The following DIPK1A variants were observed in gnomAD, a reference collection of about 807,000 sequenced individuals.
DIPK1A encodes the protein divergent protein kinase domain 1A.
A neutral mutation model predicts 40.8 loss-of-function variants in DIPK1A; 27 were observed. That is an observed-to-expected ratio of 0.66 (90% CI 0.49 to 0.91). The LOEUF (loss-of-function observed/expected upper bound fraction) is 0.91, where lower values mean the gene tolerates loss of function less well. Among genes scored for constraint, DIPK1A ranks in the 40% least tolerant of loss-of-function variants. The pLI is 0.00. For missense variants in DIPK1A, 412 were observed against 505.7 expected, an observed-to-expected ratio of 0.81 and a Z score of 1.78; for synonymous variants, 166 against 171.3, an observed-to-expected ratio of 0.97 and a Z score of 0.24.
intron 1 of DIPK1A, among the ~76,000 whole-genome samples, chr1:92,955,059 T>A (rs1452287369): frequency 1.2e-4 from 18 of 152,184 alleles, no homozygotes; most frequent in Admixed American, 1.2e-3. Flanking sequence ...TAAATGCATA[T>A]TACTAAGTGA....
intron 2 of DIPK1A, among the ~76,000 whole-genome samples, chr1:92,875,527 G>A (rs1223891471): frequency 1.3e-5 from 2 of 151,988 alleles, no homozygotes; most frequent in African/African-American, 4.8e-5. Flanking sequence ...GACCAGCCTG[G>A]GCAACATGGT....
downstream of DIPK1A, chr1:92,840,661 CTT>C (rs1687320829): frequency 6.4e-7 from 1 of 1,571,220 alleles, no homozygotes; most frequent in Non-Finnish European, 8.7e-7. Flanking sequence ...TTTTTTTTGT[CTT>C]TTCAAGAAAA....
At chr1:92,833,666 T>C in intron 4 of DIPK1A, 1 of 1,604,502 alleles carries the variant, frequency 6.2e-7, no homozygotes. Context: ...GTCAGGTAAG[T>C]TGTATTCTAG....
rs889343850 is a variant in DIPK1A at position 92,842,998 on chromosome 1, T to G, written c.*385A>C. On this transcript the variant is annotated 3_prime_UTR_variant, in exon 5 of 5. Coordinates refer to ENST00000370310, the MANE Select transcript of DIPK1A (RefSeq NM_001006605.5). Reference sequence around the variant, plus strand: ...CTAAGACATTAGTAAATTTATAAATTTTCTTGTTGAACAGCAGCTTCAATG... The same window carrying G: ...CTAAGACATTAGTAAATTTATAAATGTTCTTGTTGAACAGCAGCTTCAATG... The G allele has an allele frequency of 6.0e-6, 6 of 994,466 alleles. 1 individual carries two copies. The African/African-American group carries it at 1.0e-4, about 17-fold the overall frequency. 61.6% of individuals were successfully genotyped at this position (994,466 alleles called of 1,614,324 possible).
chr1:92,949,072 C>T (rs377194978), intron 1 of DIPK1A, among the ~76,000 whole-genome samples: 4 of 151,740 alleles, frequency 2.6e-5, no homozygotes, highest in East Asian at 3.9e-4. Context: ...TCTCAAAGTA[C>T]TGGGATTAGT....
At chr1:92,876,984 C>G (rs1348465417) in intron 1 of DIPK1A, 1 of 985,318 alleles carries the variant, frequency 1.0e-6, no homozygotes, top group South Asian at 4.7e-5. Flanking sequence ...TCCTCTTGTT[C>G]AGCGAACCAA....
At chr1:92,898,510 T>C (rs2263247) in intron 1 of DIPK1A, among the ~76,000 whole-genome samples, 108,565 of 152,012 alleles carry the variant, frequency 0.71, 39,592 homozygotes, top group East Asian at 0.96. Context: ...ACATATCACC[T>C]TGTCATCCAG....
intron 1 of DIPK1A, among the ~76,000 whole-genome samples, chr1:92,952,415 T>C (rs1300185840): frequency 6.6e-6 from 1 of 151,592 alleles, no homozygotes; most frequent in African/African-American, 2.4e-5. Context: ...AGCCCAGGAG[T>C]TCGAGACCAG....
chr1:92,896,225 G>A (rs1187169769), intron 1 of DIPK1A, among the ~76,000 whole-genome samples: 1 of 152,110 alleles, frequency 6.6e-6, no homozygotes, highest in African/African-American at 2.4e-5. Flanking sequence ...GAACAAAGCT[G>A]GAGGCATCTC....
downstream of DIPK1A, among the ~76,000 whole-genome samples, chr1:92,841,424 G>T (rs1304000879): frequency 6.6e-6 from 1 of 152,084 alleles, no homozygotes; most frequent in Non-Finnish European, 1.5e-5. Flanking sequence ...TTTATCTGTT[G>T]CTATTAATAT....
chr1:92,837,541 G>A (rs1571031819), downstream of DIPK1A: 1 of 1,612,190 alleles, frequency 6.2e-7, no homozygotes, highest in Non-Finnish European at 8.5e-7. Context: ...CCAGAATGTT[G>A]CAGATTACAT....
At chr1:92,908,756 G>A (rs1046655395) in intron 1 of DIPK1A, among the ~76,000 whole-genome samples, 2 of 152,162 alleles carry the variant, frequency 1.3e-5, no homozygotes, top group Non-Finnish European at 2.9e-5. Context: ...ATAGCACAAA[G>A]GTTCCTGAGA....
chr1:92,950,788 T>C (rs1202855672), intron 1 of DIPK1A, among the ~76,000 whole-genome samples: 2 of 152,184 alleles, frequency 1.3e-5, no homozygotes, highest in East Asian at 3.8e-4. Flanking sequence ...GCTATTTTCA[T>C]TTTCCTTCCT....
chr1:92,882,143 T>C (rs1648404688), intron 1 of DIPK1A, among the ~76,000 whole-genome samples: 1 of 152,190 alleles, frequency 6.6e-6, no homozygotes, highest in Admixed American at 6.5e-5. Flanking sequence ...ATCCCAGCAC[T>C]TTGGGAGGCC....
intron 2 of DIPK1A, among the ~76,000 whole-genome samples, chr1:92,864,462 G>A (rs1301985187): frequency 6.6e-6 from 1 of 152,158 alleles, no homozygotes; most frequent in Non-Finnish European, 1.5e-5. Context: ...TACCCAGGTA[G>A]AAACTTAGAA....
chr1:92,927,974 T>A (rs1193085583), intron 1 of DIPK1A, among the ~76,000 whole-genome samples: 1 of 152,226 alleles, frequency 6.6e-6, no homozygotes, highest in Non-Finnish European at 1.5e-5. Flanking sequence ...GGTATATATC[T>A]AGGAGGGGAA....
chr1:92,835,747 C>T (rs937361945), intron 4 of DIPK1A, among the ~76,000 whole-genome samples: 4 of 150,804 alleles, frequency 2.7e-5, no homozygotes, highest in African/African-American at 9.7e-5. Context: ...AACATTTTTC[C>T]TGGTAGATGA....
chr1:92,923,343 TG>T (rs1471412630), intron 1 of DIPK1A, among the ~76,000 whole-genome samples: 1 of 152,156 alleles, frequency 6.6e-6, no homozygotes, highest in Non-Finnish European at 1.5e-5. Context: ...TTCACCATAT[TG>T]GCCAGGCTGG....
At chr1:92,836,418 T>C in intron 4 of DIPK1A, 1 of 1,601,664 alleles carries the variant, frequency 6.2e-7, no homozygotes, top group Non-Finnish European at 8.6e-7. Flanking sequence ...AAGACCTTGG[T>C]GCCTGGACCG....
Sources: gnomAD v4.1 joint callset for allele counts (sites outside exome capture counted in the v4.1 genomes callset) on GRCh38, gnomAD v4.1.1 for gene constraint, MANE v1.5 for transcripts, NCBI Gene and HGNC (gene_info 2026-07-23, HGNC 2026-07-21) for gene names.